ZNF469: variants seen among roughly 807,000 people sequenced by gnomAD.
The protein encoded by ZNF469 is zinc finger protein 469.
In ZNF469, 1 loss-of-function variant was observed where a neutral mutation model predicts 1.0. The observed-to-expected ratio is 1.00, with a 90% CI of 0.35 to 4.73. The LOEUF (loss-of-function observed/expected upper bound fraction) is 4.73, where lower values mean the gene tolerates loss of function less well. Among genes scored for constraint, ZNF469 ranks in the 30% most tolerant of loss-of-function variants. The pLI, the probability that ZNF469 is intolerant of heterozygous loss-of-function variation, is 0.16. For missense variants in ZNF469, 6,100 were observed against 5,356.3 expected, an observed-to-expected ratio of 1.14 and a Z score of -4.33; for synonymous variants, 2,703 against 2,363.4, an observed-to-expected ratio of 1.14 and a Z score of -4.17.
At position 88,432,462 on chromosome 16, in the gene ZNF469, C is replaced by T. The variant is rs1010538257; in HGVS notation, c.4992C>T (p.Phe1664=). Residue 1664 remains phenylalanine, a synonymous_variant, in exon 3 of 3, where the codon TTC becomes TTT. Coordinates refer to ENST00000565624, the MANE Select transcript of ZNF469 (RefSeq NM_001367624.2). Reference sequence around the variant, plus strand: ...GGACGTGGCCCTGCCCAGCCTCCTTCCATCCGGGACATGCAGCCCTTCTCC... The same window carrying T: ...GGACGTGGCCCTGCCCAGCCTCCTTTCATCCGGGACATGCAGCCCTTCTCC... ...PGGTWPCPAS[F]HPGHAALLPC... 9.0e-6 allele frequency: 14 copies of T among 1,550,228 alleles called. No individual in the cohort carries two copies. The African/African-American group carries it at 1.8e-4, about 20-fold the overall frequency.
intron 1 of ZNF469, among the ~76,000 whole-genome samples, chr16:88,418,562 C>T (rs1905365918): frequency 6.6e-6 from 1 of 151,706 alleles, no homozygotes; most frequent in Non-Finnish European, 1.5e-5. Context: ...CCGGCCACCT[C>T]CCTGTCATTT....
At chr16:88,407,761 GC>G (rs983930037) in intron 1 of ZNF469, among the ~76,000 whole-genome samples, 9 of 152,260 alleles carry the variant, frequency 5.9e-5, no homozygotes, top group African/African-American at 2.2e-4. Context: ...CACAGGCCCT[GC>G]CAGTGCTCAG....
Position 88,435,971 on chromosome 16 carries a change from C to G in ZNF469, c.8501C>G (p.Pro2834Arg), listed in dbSNP as rs1392135139. 8 of 1,549,844 alleles carry G rather than the reference C, an allele frequency of 5.2e-6. No homozygotes were observed. In the Admixed American group the frequency reaches 1.4e-4, roughly 27 times the overall value. ...NPDTQGGVQG[P>R]EGPTPDASGS... ...GACACCCAGGGTGGAGTCCAGGGGCCTGAAGGCCCCACTCCTGATGCCTCT... is the reference window on the plus strand; with the variant it reads ...GACACCCAGGGTGGAGTCCAGGGGCGTGAAGGCCCCACTCCTGATGCCTCT... The change falls in exon 3 of 3, where the codon CCT becomes CGT. Residue 2834 changes from proline to arginine, a missense_variant. Pro to Arg is a moderately radical substitution (Grantham distance 103). Transcript: ENST00000565624.
At chr16:88,159,747 T>G in the ZNF469 span, among the ~76,000 whole-genome samples, 1 of 152,168 alleles carries the variant, frequency 6.6e-6, no homozygotes, top group Admixed American at 6.5e-5. Context: ...CACCTCCCGT[T>G]GTGCAATGGC....
At chr16:88,234,258 G>A in the ZNF469 span, among the ~76,000 whole-genome samples, 17 of 152,242 alleles carry the variant, frequency 1.1e-4, no homozygotes, top group African/African-American at 2.9e-4. Flanking sequence ...CACGTGGGTC[G>A]TGGCCTCCCT....
Position 88,437,827 on chromosome 16 carries a change from G to A in ZNF469, c.10357G>A (p.Val3453Met), listed in dbSNP as rs954785318. 6.5e-7 allele frequency: 1 copy of A among 1,541,928 alleles called. No homozygotes were observed. The highest frequency in any genetic ancestry group is 1.4e-5 in the African/African-American group (1 of 72,812). The change falls in exon 3 of 3, where the codon GTG becomes ATG. Residue 3453 changes from valine (V) to methionine (M), a missense_variant. Coordinates refer to ENST00000565624, the MANE Select transcript of ZNF469 (RefSeq NM_001367624.2). ...GCGGCAGCCCTTCGCGTTCCGCGGC[G>A]TGCGGAGGCCGGGAGCGCCGGGACA... ...GGRQPFAFRG[V>M]RRPGAPGQKA...
chr16:88,344,043 A>C, the ZNF469 span, among the ~76,000 whole-genome samples: 1 of 152,070 alleles, frequency 6.6e-6, no homozygotes, highest in East Asian at 1.9e-4. Context: ...TCTGTCCCAA[A>C]AACCCATAAC....
At chr16:88,283,184 C>G in the ZNF469 span, among the ~76,000 whole-genome samples, 1 of 151,722 alleles carries the variant, frequency 6.6e-6, no homozygotes, top group Non-Finnish European at 1.5e-5. Context: ...TGGGAAGGAA[C>G]GTTTCTGGGG....
the ZNF469 span, among the ~76,000 whole-genome samples, chr16:88,365,660 T>C: frequency 0.035 from 5,302 of 152,310 alleles, 134 homozygotes; most frequent in Non-Finnish European, 0.052. Context: ...TTTCTGCCAC[T>C]TGCTGCCAGA....
the ZNF469 span, among the ~76,000 whole-genome samples, chr16:88,247,589 T>C: frequency 7.1e-6 from 1 of 140,016 alleles, no homozygotes; most frequent in Non-Finnish European, 1.5e-5. Flanking sequence ...AGTGAATGAC[T>C]GAGTGAACGA....
At chr16:88,324,552 G>A in the ZNF469 span, among the ~76,000 whole-genome samples, 2 of 152,250 alleles carry the variant, frequency 1.3e-5, no homozygotes, top group East Asian at 1.9e-4. Flanking sequence ...GCCAGCTGGT[G>A]GTGGAAGGCA....
chr16:88,159,751 C>G, the ZNF469 span, among the ~76,000 whole-genome samples: 1 of 152,184 alleles, frequency 6.6e-6, no homozygotes, highest in African/African-American at 2.4e-5. Context: ...TCCCGTTGTG[C>G]AATGGCTTTG....
upstream of ZNF469, among the ~76,000 whole-genome samples, chr16:88,378,097 G>A (rs530547365): frequency 2.6e-5 from 4 of 152,152 alleles, no homozygotes; most frequent in East Asian, 1.9e-4. Flanking sequence ...CCAGTTCACC[G>A]CCAGGGAGTG....
the ZNF469 span, among the ~76,000 whole-genome samples, chr16:88,330,888 T>C: frequency 3.9e-5 from 6 of 152,302 alleles, no homozygotes; most frequent in East Asian, 1.9e-4. Context: ...TTGTGCAGAC[T>C]GAGAACATGT....
chr16:88,194,160 C>T, the ZNF469 span: 2 of 152,264 alleles, frequency 1.3e-5, no homozygotes, highest in Non-Finnish European at 2.9e-5. Flanking sequence ...TGATCATCCT[C>T]TTCCTACAGA....
intron 1 of ZNF469, among the ~76,000 whole-genome samples, chr16:88,420,487 A>G (rs1039481555): frequency 2.6e-5 from 4 of 152,174 alleles, no homozygotes; most frequent in Non-Finnish European, 5.9e-5. Flanking sequence ...AGGAGGCCCA[A>G]TTGGACAGTG....
the ZNF469 span, among the ~76,000 whole-genome samples, chr16:88,365,365 G>A: frequency 4.9e-4 from 75 of 152,342 alleles, 1 homozygote; most frequent in Admixed American, 2.2e-3. Context: ...CATCCAATCA[G>A]AGCTCTACAT....
the ZNF469 span, among the ~76,000 whole-genome samples, chr16:88,290,952 G>C: frequency 5.9e-5 from 9 of 152,166 alleles, no homozygotes; most frequent in Admixed American, 2.0e-4. Context: ...AACCAGATCG[G>C]AGCGCGTCAG....
At chr16:88,328,226 G>A in the ZNF469 span, among the ~76,000 whole-genome samples, 1 of 152,266 alleles carries the variant, frequency 6.6e-6, no homozygotes, top group Non-Finnish European at 1.5e-5. Flanking sequence ...TTCAGTCTTG[G>A]TGCTTTCTGC....
Sources: allele counts gnomAD v4.1 joint callset (sites outside exome capture counted in the v4.1 genomes callset), GRCh38; gene constraint gnomAD v4.1.1; transcripts MANE v1.5; gene names NCBI Gene and HGNC (gene_info 2026-07-23, HGNC 2026-07-21).